Variants in CD80 observed in about 807,000 individuals in gnomAD.
The protein encoded by CD80 is CD80 molecule.
CD80 carries 13 observed loss-of-function variants against 27.1 expected under a neutral mutation model. The observed-to-expected ratio is 0.48, with a 90% confidence interval of 0.31 to 0.76. CD80 has a LOEUF of 0.76. CD80 is among the 30% of genes least tolerant of loss of function. The pLI is 0.04. For missense variants in CD80, 277 were observed against 347.9 expected, an observed-to-expected ratio of 0.80 and a Z score of 1.62; for synonymous variants, 125 against 125.5, an observed-to-expected ratio of 1.00 and a Z score of 0.03.
intron 1 of CD80, among the ~76,000 whole-genome samples, chr3:119,558,408 GA>G (rs2107749763): frequency 6.6e-6 from 1 of 152,158 alleles, no homozygotes; most frequent in South Asian, 2.1e-4. Flanking sequence ...TCAATAACCA[GA>G]AAAGTCTATC....
intron 3 of CD80, among the ~76,000 whole-genome samples, chr3:119,538,017 A>C (rs1393705765): frequency 1.3e-5 from 2 of 152,206 alleles, no homozygotes; most frequent in African/African-American, 4.8e-5. Context: ...CAATTGTAAG[A>C]GATGAAGAGA....
intron 2 of CD80, among the ~76,000 whole-genome samples, chr3:119,547,547 G>C (rs1480702298): frequency 2.0e-5 from 3 of 152,176 alleles, no homozygotes; most frequent in South Asian, 2.1e-4. Flanking sequence ...AGTTCTGCAG[G>C]TTCCCATCTG....
Position 119,529,843 on chromosome 3 carries a change from G to A in CD80, c.795C>T (p.Tyr265=). ...GGATGATGGTATGATAGTACTTACA[G>A]TAGGTCAGGCAGCATATCACAAAAA... The part of the protein sequence containing the change: ...NGIFVICCLT[Y]CFAPRCRERR... The change falls in exon 5 of 7, where the codon TAC becomes TAT. Residue 265 remains tyrosine (Y), a splice_region_variant and synonymous_variant. Transcript: ENST00000264246. The A allele has an allele frequency of 6.3e-7, 1 of 1,586,350 alleles. No individual in the cohort carries two copies. Among genetic ancestry groups the A allele is most frequent in the Non-Finnish European group, 8.7e-7 (1 of 1,154,818 alleles).
At chr3:119,548,995 C>T (rs2082215821) in intron 2 of CD80, among the ~76,000 whole-genome samples, 3 of 152,146 alleles carry the variant, frequency 2.0e-5, no homozygotes, top group Non-Finnish European at 2.9e-5. Flanking sequence ...CAAGATCACA[C>T]CACTGCACTC....
chr3:119,546,575 A>C (rs1341606051), intron 2 of CD80, among the ~76,000 whole-genome samples: 1 of 152,190 alleles, frequency 6.6e-6, no homozygotes, highest in Non-Finnish European at 1.5e-5. Context: ...AAGAAGAAAA[A>C]AGAGGGCCAT....
chr3:119,534,168 G>A (rs146725166), intron 4 of CD80, among the ~76,000 whole-genome samples: 7 of 152,076 alleles, frequency 4.6e-5, no homozygotes, highest in South Asian at 2.1e-4. Flanking sequence ...TCAGGAGTTC[G>A]AGACCAGCCT....
intron 1 of CD80, among the ~76,000 whole-genome samples, 189 bp downstream of exon 1, chr3:119,559,251 A>G (rs1007519732): frequency 6.6e-6 from 1 of 152,146 alleles, no homozygotes; most frequent in African/African-American, 2.4e-5. Context: ...CACAATTCTC[A>G]CTATGATGCT....
chr3:119,546,300 T>A (rs1358936792), intron 2 of CD80, among the ~76,000 whole-genome samples: 2 of 152,266 alleles, frequency 1.3e-5, no homozygotes, highest in African/African-American at 4.8e-5. Flanking sequence ...CCCACCTCTG[T>A]CTAGATAGCC....
At chr3:119,529,232 G>A (rs2082096661) in intron 5 of CD80, among the ~76,000 whole-genome samples, 1 of 152,144 alleles carries the variant, frequency 6.6e-6, no homozygotes, top group Non-Finnish European at 1.5e-5. Flanking sequence ...TTACAGGCAT[G>A]AGCCACCCCA....
intron 3 of CD80, among the ~76,000 whole-genome samples, chr3:119,542,913 T>C (rs1157781441): frequency 6.6e-6 from 1 of 152,164 alleles, no homozygotes; most frequent in Non-Finnish European, 1.5e-5. Context: ...GATCAGTGCT[T>C]GAGCTATTTT....
At position 119,542,941 on chromosome 3, in the gene CD80, T is replaced by C. The variant is rs2082178588; in HGVS notation, c.418+1609A>G. Among the ~76,000 whole-genome samples, 5 of 152,202 alleles carry C rather than the reference T, an allele frequency of 3.3e-5. 1 individual carries two copies. The highest frequency in any genetic ancestry group is 4.1e-4 in the South Asian group (2 of 4,828). ...GCTATTTTGCAGCCCCTGCACTTGA[T>C]GGATCAGCTGGCACCACCCAGATCA... On this transcript the variant is annotated intron_variant, in intron 3 of 6. Transcript: ENST00000264246.
chr3:119,559,417 A>T (rs2107750177), intron 1 of CD80, 23 bp downstream of exon 1: 1 of 152,350 alleles, frequency 6.6e-6, no homozygotes, highest in African/African-American at 2.4e-5. Context: ...ATCCCATAGT[A>T]AGATAATAGT....
At chr3:119,531,889 C>G (rs1043157937) in intron 4 of CD80, among the ~76,000 whole-genome samples, 5 of 152,064 alleles carry the variant, frequency 3.3e-5, no homozygotes, top group Non-Finnish European at 7.4e-5. Context: ...GTCTCGAACT[C>G]CTGACCTCAG....
At chr3:119,525,781 C>T (rs2082061692) in intron 6 of CD80, 32 bp from the exon 7 acceptor site, 1 of 150,768 alleles carries the variant, frequency 6.6e-6, no homozygotes, top group East Asian at 1.9e-4. Context: ...TACATCAAAC[C>T]CTATATTGGC....
intron 3 of CD80, among the ~76,000 whole-genome samples, chr3:119,544,000 G>A (rs1322653930): frequency 6.7e-6 from 1 of 150,004 alleles, no homozygotes; most frequent in Non-Finnish European, 1.5e-5. Context: ...GCGATTCTCT[G>A]CCTCAGCCTC....
At position 119,525,527 on chromosome 3, in the gene CD80, A is replaced by T. The variant is rs2082059785; in HGVS notation, c.*261T>A. On this transcript the variant is annotated 3_prime_UTR_variant, in exon 7 of 7. Coordinates refer to ENST00000264246, the MANE Select transcript of CD80 (RefSeq NM_005191.4). ...TGCCTTTGTCATTAATAACACTGGT[A>T]TTCTCTAAAGTCCCTTCCAGAACTC... 6.6e-6 allele frequency: 1 copy of T among 152,326 alleles called. No homozygotes were observed. The allele number at this position is 152,326 out of a possible 1,614,324, so 9.4% of individuals were successfully genotyped here.
rs76462210 is a variant in CD80 at position 119,548,591 on chromosome 3, T to C, written c.101-3724A>G. Among the ~76,000 whole-genome samples, 3 of 152,296 alleles carry C rather than the reference T, an allele frequency of 2.0e-5. No homozygotes were observed. The East Asian group carries it at 5.8e-4, about 29-fold the overall frequency. ...GCTGAGGAAAAGAAACTGCCCCAGT[T>C]TTACACATTTTTTTCTTTCTGGCCC... On this transcript the variant is annotated intron_variant, in intron 2 of 6. Coordinates refer to ENST00000264246, the MANE Select transcript of CD80 (RefSeq NM_005191.4).
chr3:119,527,651 T>C (rs1207218174), intron 6 of CD80, 82 bp downstream of exon 6: 1 of 781,906 alleles, frequency 1.3e-6, no homozygotes, highest in Non-Finnish European at 2.2e-6. Context: ...AGGTAGTGGG[T>C]AAAACAGCTT....
intron 5 of CD80, among the ~76,000 whole-genome samples, chr3:119,528,057 G>A (rs1473387288): frequency 6.6e-6 from 1 of 152,022 alleles, no homozygotes; most frequent in Non-Finnish European, 1.5e-5. Flanking sequence ...ACGGGCAAGG[G>A]GTGCTACTGG....
Sources: allele counts gnomAD v4.1 joint callset (sites outside exome capture counted in the v4.1 genomes callset), GRCh38; gene constraint gnomAD v4.1.1; transcripts MANE v1.5; gene names NCBI Gene and HGNC (gene_info 2026-07-23, HGNC 2026-07-21).